Variants in UGP2 observed in about 807,000 individuals in gnomAD.
UGP2 encodes the protein UTP--glucose-1-phosphate uridylyltransferase.
A neutral mutation model predicts 49.0 loss-of-function variants in UGP2; 40 were observed. The observed-to-expected ratio is 0.82, with a 90% confidence interval of 0.63 to 1.06. The LOEUF (loss-of-function observed/expected upper bound fraction) is 1.06. Ranked by LOEUF, UGP2 falls within the 50% of genes least tolerant of loss-of-function variation. UGP2 has a pLI of 0.00. For missense variants in UGP2, 460 were observed against 603.5 expected (o/e 0.76, Z 2.49); for synonymous variants, 225 against 213.0 (o/e 1.06, Z -0.49).
intron 7 of UGP2, among the ~76,000 whole-genome samples, chr2:63,886,899 AAG>A (rs1671714885): frequency 6.6e-6 from 1 of 152,200 alleles, no homozygotes; most frequent in Non-Finnish European, 1.5e-5. Flanking sequence ...TACTGAACAG[AAG>A]AGTTTTAAGA....
intron 3 of UGP2, among the ~76,000 whole-genome samples, chr2:63,878,010 AAAAAAAAAAAAAAAAAAAAG>A (rs1457713392): frequency 6.7e-6 from 1 of 148,630 alleles, no homozygotes; most frequent in Non-Finnish European, 1.5e-5. Context: ...AAAAAAAAAA[AAAAAAAAAAAAAAAAAAAAG>A]AAGTCTGCAT....
intron 3 of UGP2, among the ~76,000 whole-genome samples, chr2:63,881,686 G>A (rs920481510): frequency 6.6e-6 from 1 of 152,206 alleles, no homozygotes; most frequent in Admixed American, 6.5e-5. Context: ...TTTCCTGTAA[G>A]GGAGAAGTTA....
chr2:63,860,918 T>C (rs1669796083), intron 3 of UGP2, among the ~76,000 whole-genome samples: 1 of 152,062 alleles, frequency 6.6e-6, no homozygotes, highest in Non-Finnish European at 1.5e-5. Context: ...ATTTTATAGA[T>C]AGGCATTGAA....
At chr2:63,862,791 T>C in intron 3 of UGP2, 1 of 455,526 alleles carries the variant, frequency 2.2e-6, no homozygotes, top group Non-Finnish European at 4.4e-6. Context: ...AGAGAAAGTA[T>C]GGTGTTAAAG....
chr2:63,887,038 G>A (rs1314193291), intron 7 of UGP2, among the ~76,000 whole-genome samples: 2 of 152,138 alleles, frequency 1.3e-5, no homozygotes, highest in South Asian at 4.1e-4. Flanking sequence ...TTGGGAGGCC[G>A]AGGCCGGCAG....
chr2:63,850,334 CCATT>C (rs1316359287), intron 1 of UGP2, among the ~76,000 whole-genome samples: 1 of 152,058 alleles, frequency 6.6e-6, no homozygotes, highest in Non-Finnish European at 1.5e-5. Context: ...CATTTATTAA[CCATT>C]CATATGAATG....
chr2:63,887,275 AAAAAT>A, intron 7 of UGP2, 122 bp from the exon 8 acceptor site: 2 of 1,412,248 alleles, frequency 1.4e-6, no homozygotes, highest in Non-Finnish European at 1.9e-6. Context: ...AAAAAAAAAA[AAAAAT>A]TTTTTTTTTT....
At chr2:63,867,901 A>G (rs1197088496) in intron 3 of UGP2, among the ~76,000 whole-genome samples, 14 of 152,192 alleles carry the variant, frequency 9.2e-5, no homozygotes, top group Admixed American at 9.2e-4. Context: ...CACTTTAGCT[A>G]ATTCTTTAAA....
intron 3 of UGP2, among the ~76,000 whole-genome samples, chr2:63,863,738 CAAAG>C (rs1299303990): frequency 6.6e-6 from 1 of 152,076 alleles, no homozygotes; most frequent in Non-Finnish European, 1.5e-5. Flanking sequence ...CCCACTGAGT[CAAAG>C]GAAGGACAAG....
intron 1 of UGP2, among the ~76,000 whole-genome samples, chr2:63,851,521 G>A (rs1317487955): frequency 1.3e-5 from 2 of 152,196 alleles, no homozygotes; most frequent in African/African-American, 2.4e-5. Flanking sequence ...AAGTAAAACA[G>A]TTTGAGTCTT....
chr2:63,842,741 A>T (rs1259917147), intron 1 of UGP2: 4 of 750,234 alleles, frequency 5.3e-6, no homozygotes, highest in Non-Finnish European at 7.7e-6. Flanking sequence ...CAGCTGGAGA[A>T]ATGACTTTGC....
Position 63,884,098 on chromosome 2 carries a change from A to T in UGP2, c.575+5A>T. ...CTACACTTTCAATCAAAGCAGGTAC[A>T]ATGAGTAAAAAATTAACTCTGGGTA... On this transcript the variant is annotated splice_donor_5th_base_variant and intron_variant, in intron 5 of 9. Coordinates refer to ENST00000337130, the MANE Select transcript of UGP2 (RefSeq NM_006759.4). The T allele has an allele frequency of 6.2e-7, 1 of 1,611,558 alleles. No individual in the cohort carries two copies. Among genetic ancestry groups the T allele is most frequent in the Non-Finnish European group, 8.5e-7 (1 of 1,179,526 alleles).
intron 8 of UGP2, chr2:63,889,361 A>T (rs1257593928): frequency 2.0e-5 from 3 of 152,160 alleles, no homozygotes; most frequent in Non-Finnish European, 4.4e-5. Flanking sequence ...GGGAAAAAAG[A>T]CTGAAGAGGG....
chr2:63,866,829 T>C (rs966794692), intron 3 of UGP2, among the ~76,000 whole-genome samples: 1 of 152,166 alleles, frequency 6.6e-6, no homozygotes, highest in African/African-American at 2.4e-5. Flanking sequence ...TCCTATGCCT[T>C]ATAGCAGTCT....
At chr2:63,853,683 A>G (rs558601455) in intron 1 of UGP2, among the ~76,000 whole-genome samples, 3 of 151,358 alleles carry the variant, frequency 2.0e-5, no homozygotes, top group African/African-American at 7.4e-5. Context: ...AGGGAAGGGT[A>G]TTATGTATCC....
chr2:63,891,036 A>AT, intron 9 of UGP2, 84 bp from the exon 10 acceptor site: 2 of 1,124,646 alleles, frequency 1.8e-6, no homozygotes, highest in Non-Finnish European at 2.5e-6. Flanking sequence ...AAAAAAAAAA[A>AT]GTTGTACATA....
chr2:63,888,806 A>G (rs1311971416), intron 8 of UGP2: 3 of 152,276 alleles, frequency 2.0e-5, no homozygotes, highest in Non-Finnish European at 4.4e-5. Flanking sequence ...CATCAGCGTT[A>G]TAACAAAGTA....
At chr2:63,848,591 T>C (rs1668827464) in intron 1 of UGP2, among the ~76,000 whole-genome samples, 1 of 152,216 alleles carries the variant, frequency 6.6e-6, no homozygotes, top group Non-Finnish European at 1.5e-5. Flanking sequence ...CTTGAACTCC[T>C]GACCATGTGA....
At chr2:63,878,283 C>T (rs1671059037) in intron 3 of UGP2, among the ~76,000 whole-genome samples, 1 of 152,178 alleles carries the variant, frequency 6.6e-6, no homozygotes, top group Non-Finnish European at 1.5e-5. Flanking sequence ...CCTCTTAGCT[C>T]ATAGCCAGCA....
Sources: gnomAD v4.1 joint callset for allele counts (sites outside exome capture counted in the v4.1 genomes callset) on GRCh38, gnomAD v4.1.1 for gene constraint, MANE v1.5 for transcripts, NCBI Gene and HGNC (gene_info 2026-07-23, HGNC 2026-07-21) for gene names.